The following NFKB1 variants were observed in gnomAD, a reference collection of about 807,000 sequenced individuals.
NFKB1 encodes the protein nuclear factor NF-kappa-B p105 subunit.
In NFKB1, 9 loss-of-function variants were observed where a neutral mutation model predicts 105.1. That is an observed-to-expected ratio of 0.09 (90% CI 0.05 to 0.15). The LOEUF is 0.15. NFKB1 is among the 10% of genes least tolerant of loss of function. The probability of loss-of-function intolerance (pLI) is 1.00; values close to 1 mark genes in which losing one functional copy is unlikely to be tolerated. For synonymous variants in NFKB1, 440 were observed against 442.2 expected (o/e 1.00, Z 0.06); for missense variants, 830 against 1,203.7 (o/e 0.69, Z 4.59).
At chr4:102,579,080 A>C (rs1578788329) in intron 8 of NFKB1, 41 bp downstream of exon 8, 4 of 1,590,190 alleles carry the variant, frequency 2.5e-6, no homozygotes, top group Non-Finnish European at 3.4e-6. Context: ...CCAAGAATAG[A>C]CTTCCAGCCC....
At chr4:102,595,133 ATAT>A in intron 13 of NFKB1, 152 bp downstream of exon 13, 1 of 535,196 alleles carries the variant, frequency 1.9e-6, no homozygotes, top group East Asian at 2.9e-5. Context: ...TTCCCAAAAG[ATAT>A]TATTTCCTGT....
At chr4:102,568,968 A>AAATTTAATC (rs1229062194) in intron 6 of NFKB1, among the ~76,000 whole-genome samples, 8 of 152,108 alleles carry the variant, frequency 5.3e-5, no homozygotes, top group Non-Finnish European at 1.2e-4. Context: ...TTTCAGTGAG[A>AAATTTAATC]AATTTAATCA....
intron 17 of NFKB1, 26 bp downstream of exon 17, chr4:102,606,723 T>G (rs1727777103): frequency 1.9e-6 from 3 of 1,599,190 alleles, no homozygotes; most frequent in Non-Finnish European, 2.6e-6. Context: ...ACATCATTGG[T>G]GTAACTTTCT....
At chr4:102,599,263 G>T (rs1726924788) in intron 15 of NFKB1, among the ~76,000 whole-genome samples, 1 of 152,082 alleles carries the variant, frequency 6.6e-6, no homozygotes, top group African/African-American at 2.4e-5. Flanking sequence ...GCCCTTTTCA[G>T]AAGTCTTCTT....
chr4:102,573,758 T>C (rs551811194), intron 6 of NFKB1, among the ~76,000 whole-genome samples: 1 of 152,214 alleles, frequency 6.6e-6, no homozygotes, highest in South Asian at 2.1e-4. Flanking sequence ...TTTTGGAAAG[T>C]TTTATTACTG....
intron 1 of NFKB1, among the ~76,000 whole-genome samples, chr4:102,512,350 TTTTG>T (rs1739836007): frequency 6.6e-6 from 1 of 152,090 alleles, no homozygotes; most frequent in South Asian, 2.1e-4. Context: ...TTTTGTTTTG[TTTTG>T]TTTGTTTGTT....
intron 1 of NFKB1, 58 bp downstream of exon 1, chr4:102,501,846 C>G (rs1357264632): frequency 2.6e-5 from 4 of 152,596 alleles, no homozygotes; most frequent in Non-Finnish European, 4.4e-5. Context: ...CAAGTCCTGC[C>G]GCCCAGCCCT....
chr4:102,593,928 A>G (rs1726388957), intron 12 of NFKB1, among the ~76,000 whole-genome samples: 1 of 152,184 alleles, frequency 6.6e-6, no homozygotes, highest in South Asian at 2.1e-4. Context: ...ATAGCTATAT[A>G]TTAAACATCT....
intron 1 of NFKB1, among the ~76,000 whole-genome samples, chr4:102,521,128 A>G (rs1740545768): frequency 6.6e-6 from 1 of 152,212 alleles, no homozygotes; most frequent in Non-Finnish European, 1.5e-5. Flanking sequence ...GATTATTTCC[A>G]GTTCCTTGCT....
chr4:102,605,722 CTGAGCCCCCTTGG>C (rs1727657874), intron 16 of NFKB1, among the ~76,000 whole-genome samples: 1 of 152,180 alleles, frequency 6.6e-6, no homozygotes, highest in African/African-American at 2.4e-5. Flanking sequence ...TTTTATTCAG[CTGAGCCCCCTTGG>C]TGAGATACTT....
At chr4:102,613,226 G>C (rs189566380) in intron 22 of NFKB1, among the ~76,000 whole-genome samples, 199 bp from the exon 23 acceptor site, 1 of 152,098 alleles carries the variant, frequency 6.6e-6, no homozygotes, top group African/African-American at 2.4e-5. Context: ...GTGATTTCCT[G>C]AGTGGTCTTT....
chr4:102,576,297 A>G (rs1260918109), intron 6 of NFKB1, among the ~76,000 whole-genome samples: 1 of 152,218 alleles, frequency 6.6e-6, no homozygotes, highest in Non-Finnish European at 1.5e-5. Flanking sequence ...GGACAATTCA[A>G]AAGGAAAATA....
intron 5 of NFKB1, among the ~76,000 whole-genome samples, chr4:102,545,586 A>C (rs1438073761): frequency 6.6e-6 from 1 of 152,112 alleles, no homozygotes; most frequent in Non-Finnish European, 1.5e-5. Context: ...CTGCACTCTT[A>C]ACCATTGTGG....
chr4:102,551,197 C>T (rs1722547373), intron 5 of NFKB1, among the ~76,000 whole-genome samples: 1 of 152,310 alleles, frequency 6.6e-6, no homozygotes, highest in African/African-American at 2.4e-5. Context: ...CAGTGCTGGG[C>T]TCTGTGTTGA....
chr4:102,610,520 G>A (rs1728299214), intron 19 of NFKB1, 55 bp from the exon 20 acceptor site: 2 of 1,583,636 alleles, frequency 1.3e-6, no homozygotes, highest in African/African-American at 1.3e-5. Context: ...TTTGCAGGCA[G>A]TTGGAAGTTG....
intron 1 of NFKB1, among the ~76,000 whole-genome samples, chr4:102,525,099 A>G (rs1226149268): frequency 1.3e-5 from 2 of 152,198 alleles, no homozygotes; most frequent in African/African-American, 4.8e-5. Flanking sequence ...TTCTGGGACC[A>G]TCACAAGGTT....
At chr4:102,511,046 A>G (rs1352655495) in intron 1 of NFKB1, 2 of 812,914 alleles carry the variant, frequency 2.5e-6, no homozygotes, top group African/African-American at 1.8e-5. Context: ...GCTTGTTTAT[A>G]GAAGCTCTTC....
intron 16 of NFKB1, among the ~76,000 whole-genome samples, chr4:102,606,282 A>G (rs1482403987): frequency 1.3e-5 from 2 of 152,242 alleles, no homozygotes. Flanking sequence ...TAAAACATGA[A>G]TTATTGAATG....
At chr4:102,562,199 C>T (rs1009541323) in intron 5 of NFKB1, among the ~76,000 whole-genome samples, 1 of 152,122 alleles carries the variant, frequency 6.6e-6, no homozygotes, top group African/African-American at 2.4e-5. Context: ...TTTGGCCTCA[C>T]CCACCCCCTT....
Sources: gnomAD v4.1 joint callset for allele counts (sites outside exome capture counted in the v4.1 genomes callset) on GRCh38, gnomAD v4.1.1 for gene constraint, MANE v1.5 for transcripts, NCBI Gene and HGNC (gene_info 2026-07-23, HGNC 2026-07-21) for gene names.